Variants in FAXC observed in about 807,000 individuals in gnomAD.
FAXC encodes failed axon connections homolog.
In FAXC, 10 loss-of-function variants were observed where a neutral mutation model predicts 41.9. That is an observed-to-expected ratio of 0.24 (90% confidence interval 0.15 to 0.41). The LOEUF (loss-of-function observed/expected upper bound fraction) is 0.41. FAXC is among the 10% of genes least tolerant of loss of function. The pLI, the probability that FAXC is intolerant of heterozygous loss-of-function variation, is 1.00. For synonymous variants in FAXC, 183 were observed against 183.8 expected (o/e 1.00, Z 0.03); for missense variants, 399 against 510.9 (o/e 0.78, Z 2.11).
rs2128444859 is a variant in FAXC at position 99,277,301 on chromosome 6, G to A, written c.*3863C>T. The A allele has an allele frequency of 6.6e-6, 1 of 152,422 alleles. No homozygotes were observed. Among genetic ancestry groups the A allele is most frequent in the East Asian group, 1.9e-4 (1 of 5,182 alleles). 9.4% of individuals were successfully genotyped at this position (152,422 alleles called of 1,614,324 possible). A position where few individuals can be genotyped will look rare whatever the true frequency, so the allele number is the denominator to read the frequency against. ...TTAGAAAGATTAATCCATTTGTAGT[G>A]GATGGAATGGAACAGGGAAATGGCC... is the stretch of plus-strand genomic sequence containing the variant. On this transcript the variant is annotated 3_prime_UTR_variant, in exon 6 of 6. Transcript: ENST00000389677.
chr6:99,323,315 C>G, intron 4 of FAXC, 129 bp downstream of exon 4: 1 of 738,794 alleles, frequency 1.4e-6, no homozygotes, highest in Non-Finnish European at 2.2e-6. Flanking sequence ...AATGTGGGGA[C>G]TGCAATCTAC....
chr6:99,321,939 C>A (rs1772604175), intron 4 of FAXC, among the ~76,000 whole-genome samples: 1 of 152,142 alleles, frequency 6.6e-6, no homozygotes, highest in South Asian at 2.1e-4. Flanking sequence ...CTCACAACAG[C>A]ATGAGCCGGT....
chr6:99,338,891 C>T (rs1773316233), intron 2 of FAXC, among the ~76,000 whole-genome samples: 1 of 152,178 alleles, frequency 6.6e-6, no homozygotes, highest in Non-Finnish European at 1.5e-5. Flanking sequence ...ATAAAGATTC[C>T]CTTTCTAATC....
intron 4 of FAXC, among the ~76,000 whole-genome samples, chr6:99,297,813 A>G (rs62423989): frequency 0.21 from 32,308 of 152,046 alleles, 3,724 homozygotes; most frequent in East Asian, 0.47. Flanking sequence ...GACTCAGACC[A>G]AGTCCTACCT....
intron 2 of FAXC, among the ~76,000 whole-genome samples, chr6:99,336,135 C>T (rs1773208775): frequency 6.6e-6 from 1 of 152,066 alleles, no homozygotes; most frequent in Non-Finnish European, 1.5e-5. Context: ...AGGCTGGTCT[C>T]AAACTCCTGG....
At chr6:99,341,701 G>A (rs1773433509) in intron 2 of FAXC, among the ~76,000 whole-genome samples, 1 of 152,186 alleles carries the variant, frequency 6.6e-6, no homozygotes, top group East Asian at 1.9e-4. Context: ...AAAAAAATAA[G>A]CAGAAATACA....
intron 3 of FAXC, among the ~76,000 whole-genome samples, chr6:99,331,855 A>G (rs531459571): frequency 9.2e-5 from 14 of 152,322 alleles, no homozygotes; most frequent in African/African-American, 3.4e-4. Flanking sequence ...CCTTTCTCAG[A>G]AGCTAAGTTT....
intron 4 of FAXC, among the ~76,000 whole-genome samples, chr6:99,299,717 T>C (rs1771631281): frequency 6.6e-6 from 1 of 152,110 alleles, no homozygotes; most frequent in Non-Finnish European, 1.5e-5. Flanking sequence ...TGCAAGTGAA[T>C]CTCCCAGAGG....
intron 4 of FAXC, among the ~76,000 whole-genome samples, chr6:99,307,886 A>C (rs996858462): frequency 2.6e-5 from 4 of 152,218 alleles, no homozygotes; most frequent in Non-Finnish European, 5.9e-5. Flanking sequence ...ATTTCCCTCA[A>C]ACATCAGAGA....
Position 99,273,883 on chromosome 6 carries a change from A to G in FAXC, c.*7281T>C, listed in dbSNP as rs1159156956. 1 of 152,140 alleles carries G rather than the reference A, an allele frequency of 6.6e-6. No homozygotes were observed. Among genetic ancestry groups the G allele is most frequent in the African/African-American group, 2.4e-5 (1 of 41,430 alleles). 9.4% of individuals were successfully genotyped at this position (152,140 alleles called of 1,614,324 possible). A position where few individuals can be genotyped will look rare whatever the true frequency, so the allele number is the denominator to read the frequency against. ...TATATACATATATAGCAGTGTATACATATATACATATATATCATAAATAAA... is the reference window on the plus strand; with the variant it reads ...TATATACATATATAGCAGTGTATACGTATATACATATATATCATAAATAAA... On this transcript the variant is annotated 3_prime_UTR_variant, in exon 6 of 6. Coordinates refer to ENST00000389677, the MANE Select transcript of FAXC (RefSeq NM_032511.4).
rs950285049 is a variant in FAXC at position 99,277,272 on chromosome 6, C to A, written c.*3892G>T. The A allele has an allele frequency of 6.6e-6, 1 of 152,270 alleles. No homozygotes were observed. Among genetic ancestry groups the A allele is most frequent in the Non-Finnish European group, 1.5e-5 (1 of 68,130 alleles). 9.4% of individuals were successfully genotyped at this position (152,270 alleles called of 1,614,324 possible). ...GCCACACCCCATCAGGGCCAAAGAG[C>A]TTTTTAGAAAGATTAATCCATTTGT... On this transcript the variant is annotated 3_prime_UTR_variant, in exon 6 of 6. Transcript: ENST00000389677.
At chr6:99,287,148 T>C (rs1771058403) in intron 5 of FAXC, among the ~76,000 whole-genome samples, 1 of 152,144 alleles carries the variant, frequency 6.6e-6, no homozygotes, top group African/African-American at 2.4e-5. Context: ...AGCCATAGGA[T>C]AGGATATTAT....
intron 3 of FAXC, among the ~76,000 whole-genome samples, chr6:99,329,260 T>C (rs1385468550): frequency 6.6e-6 from 1 of 152,218 alleles, no homozygotes; most frequent in Non-Finnish European, 1.5e-5. Flanking sequence ...TCAAAGAGAT[T>C]TTTTAAAAGA....
chr6:99,329,785 T>C (rs371964066), intron 3 of FAXC, among the ~76,000 whole-genome samples: 5 of 151,828 alleles, frequency 3.3e-5, no homozygotes, highest in African/African-American at 7.2e-5. Flanking sequence ...TCTCCTGAAC[T>C]ACACTCAAAA....
chr6:99,313,469 T>G (rs542735065), intron 4 of FAXC, among the ~76,000 whole-genome samples: 1 of 152,358 alleles, frequency 6.6e-6, no homozygotes, highest in African/African-American at 2.4e-5. Context: ...TTTTGTCACA[T>G]GTTGCAAACA....
intron 5 of FAXC, 37 bp downstream of exon 5, chr6:99,291,667 G>T: frequency 6.6e-7 from 1 of 1,504,530 alleles, no homozygotes; most frequent in Non-Finnish European, 9.2e-7. Context: ...CCCAGCCCCA[G>T]TAAGCCCCAA....
intron 5 of FAXC, among the ~76,000 whole-genome samples, chr6:99,291,360 A>G (rs1457293972): frequency 6.6e-6 from 1 of 152,250 alleles, no homozygotes; most frequent in East Asian, 1.9e-4. Context: ...AGACCAGCAA[A>G]GCAAGGGCAC....
chr6:99,321,810 G>A (rs1772598713), intron 4 of FAXC, among the ~76,000 whole-genome samples: 1 of 152,204 alleles, frequency 6.6e-6, no homozygotes, highest in African/African-American at 2.4e-5. Flanking sequence ...AACCAGAAAT[G>A]TCCCGAAAGG....
At chr6:99,319,179 C>T (rs1259314435) in intron 4 of FAXC, among the ~76,000 whole-genome samples, 1 of 152,044 alleles carries the variant, frequency 6.6e-6, no homozygotes, top group Non-Finnish European at 1.5e-5. Context: ...AGGCGGATCA[C>T]GAGGTCGAGA....
Sources: gnomAD v4.1 joint callset for allele counts (sites outside exome capture counted in the v4.1 genomes callset) on GRCh38, gnomAD v4.1.1 for gene constraint, MANE v1.5 for transcripts, NCBI Gene and HGNC (gene_info 2026-07-23, HGNC 2026-07-21) for gene names.